The following FMN1 variants were observed in gnomAD, a reference collection of about 807,000 sequenced individuals.
The protein encoded by FMN1 is formin-1.
A neutral mutation model predicts 132.4 loss-of-function variants in FMN1; 110 were observed. The ratio of observed to expected loss-of-function variants is 0.83; its 90% CI spans 0.71 to 0.97. FMN1 has a LOEUF of 0.97. Among genes scored for constraint, FMN1 ranks in the 50% least tolerant of loss-of-function variants. The pLI is 0.00. For missense variants in FMN1, 1,792 were observed against 1,705.3 expected (o/e 1.05, Z -0.90); for synonymous variants, 722 against 651.7 (o/e 1.11, Z -1.64).
At chr15:32,973,582 C>T (rs917678062) in intron 7 of FMN1, among the ~76,000 whole-genome samples, 5 of 151,676 alleles carry the variant, frequency 3.3e-5, no homozygotes, top group African/African-American at 9.7e-5. Context: ...CCTCACCCCC[C>T]CCAAAAAAAC....
intron 5 of FMN1, among the ~76,000 whole-genome samples, chr15:33,078,853 G>A (rs535779127): frequency 7.2e-5 from 11 of 152,216 alleles, no homozygotes; most frequent in Admixed American, 2.0e-4. Flanking sequence ...TATAAATGAC[G>A]TACGTAGCAA....
At chr15:32,900,320 C>A in intron 13 of FMN1, 195 bp from the exon 14 acceptor site, 2 of 704,938 alleles carry the variant, frequency 2.8e-6, no homozygotes, top group South Asian at 3.0e-5. Flanking sequence ...CCATTATTTT[C>A]TACCCACTCA....
At chr15:33,143,463 G>A (rs897222724) in intron 4 of FMN1, among the ~76,000 whole-genome samples, 1 of 152,070 alleles carries the variant, frequency 6.6e-6, no homozygotes, top group Admixed American at 6.6e-5. Flanking sequence ...AACTGACCCA[G>A]GTATACAATG....
chr15:32,843,686 G>T (rs922282858), intron 17 of FMN1, among the ~76,000 whole-genome samples: 1 of 152,120 alleles, frequency 6.6e-6, no homozygotes, highest in Non-Finnish European at 1.5e-5. Flanking sequence ...GTGGGCAGAC[G>T]GTTTGGTTAT....
chr15:33,153,059 T>C lies in FMN1; in HGVS notation c.1856A>G (p.Gln619Arg). 1.3e-6 allele frequency: 2 copies of C among 1,522,208 alleles called. No individual in the cohort carries two copies. Among genetic ancestry groups the C allele is most frequent in the Admixed American group, 2.1e-5 (1 of 48,194 alleles). The allele number at this position is 1,522,208 out of a possible 1,614,324, so 94.3% of individuals were successfully genotyped here. A position where few individuals can be genotyped will look rare whatever the true frequency, so the allele number is the denominator to read the frequency against. ...PGKTTAEPQH[Q>R]SPPGISSEGF... The stretch of plus-strand genomic sequence containing the variant: ...AAACAGAGACTAACCTGGAGGTGAC[T>C]GGTGCTGGGGCTCAGCTGTGGTCTT... The change falls in exon 4 of 21, where the codon CAG (glutamine) becomes CGG (arginine). Residue 619 changes from glutamine to arginine, a missense_variant. Transcript: ENST00000616417.
chr15:32,945,229 A>C (rs1160813883), intron 9 of FMN1, among the ~76,000 whole-genome samples: 1 of 152,106 alleles, frequency 6.6e-6, no homozygotes. Flanking sequence ...CAATACATAG[A>C]TATATGTATG....
intron 2 of FMN1, among the ~76,000 whole-genome samples, chr15:33,193,642 C>G (rs1948893951): frequency 1.3e-5 from 2 of 152,174 alleles, no homozygotes; most frequent in Non-Finnish European, 2.9e-5. Flanking sequence ...CAGGTTCAGG[C>G]TCTGCATTCA....
chr15:33,161,590 G>T (rs1338553362), intron 3 of FMN1, among the ~76,000 whole-genome samples: 1 of 152,032 alleles, frequency 6.6e-6, no homozygotes, highest in Non-Finnish European at 1.5e-5. Flanking sequence ...ATCCACCCTG[G>T]GATGGAGTGC....
chr15:33,090,552 T>A (rs146245255), intron 4 of FMN1, among the ~76,000 whole-genome samples: 1 of 151,598 alleles, frequency 6.6e-6, no homozygotes, highest in Non-Finnish European at 1.5e-5. Flanking sequence ...AGTCCAGGGC[T>A]TCCCCAGTCT....
At chr15:32,854,837 C>T (rs1237757724) in intron 17 of FMN1, among the ~76,000 whole-genome samples, 1 of 151,862 alleles carries the variant, frequency 6.6e-6, no homozygotes, top group Non-Finnish European at 1.5e-5. Context: ...TTGCTTGAAC[C>T]CGGGAGGTGG....
chr15:32,932,236 T>C (rs1397566613), intron 9 of FMN1, among the ~76,000 whole-genome samples: 1 of 152,136 alleles, frequency 6.6e-6, no homozygotes, highest in African/African-American at 2.4e-5. Flanking sequence ...CCGTCTCTAC[T>C]AAAAATACAA....
chr15:32,911,564 T>G (rs552697308), intron 10 of FMN1, among the ~76,000 whole-genome samples: 9 of 152,330 alleles, frequency 5.9e-5, no homozygotes, highest in East Asian at 3.9e-4. Flanking sequence ...GTATTTTGCT[T>G]CTTCTGTGGT....
chr15:32,827,723 A>G (rs922818652), intron 17 of FMN1, among the ~76,000 whole-genome samples: 4 of 152,252 alleles, frequency 2.6e-5, no homozygotes, highest in African/African-American at 9.6e-5. Context: ...GGGCACCTGT[A>G]GTCCCAGCTA....
intron 4 of FMN1, among the ~76,000 whole-genome samples, chr15:33,146,627 C>T (rs868651752): frequency 1.3e-5 from 2 of 152,000 alleles, no homozygotes; most frequent in African/African-American, 4.8e-5. Context: ...GCTGAGCTGC[C>T]GGGGCACACA....
intron 3 of FMN1, among the ~76,000 whole-genome samples, chr15:33,172,803 C>T (rs1675741850): frequency 6.6e-6 from 1 of 151,988 alleles, no homozygotes; most frequent in Non-Finnish European, 1.5e-5. Flanking sequence ...TGTCAATATT[C>T]TAGCTTATCA....
intron 11 of FMN1, among the ~76,000 whole-genome samples, chr15:32,908,910 C>T (rs1163612906): frequency 6.6e-6 from 1 of 152,314 alleles, no homozygotes; most frequent in East Asian, 1.9e-4. Flanking sequence ...CCCATCTCTT[C>T]CTCTGTAAGG....
Position 33,088,829 on chromosome 15 carries a change from T to G in FMN1, c.2013A>C (p.Ser671=). Residue 671 remains serine (S), a synonymous_variant, in exon 5 of 21, where the codon TCA becomes TCC. Coordinates refer to ENST00000616417, the MANE Select transcript of FMN1 (RefSeq NM_001277313.2). ...PFLLHEEREK[S]NRSELYLDLH... Reference sequence around the variant, plus strand: ...GATCCAAGTACAATTCGCTCCTGTTTGACTTCTCCCTTTCCTCATGAAGCA... The same window carrying G: ...GATCCAAGTACAATTCGCTCCTGTTGGACTTCTCCCTTTCCTCATGAAGCA... 1 of 1,535,920 alleles carries G rather than the reference T, an allele frequency of 6.5e-7. No individual in the cohort carries two copies. The highest frequency in any genetic ancestry group is 8.7e-7 in the Non-Finnish European group (1 of 1,146,814).
At chr15:32,815,399 T>C (rs1163011411) in intron 17 of FMN1, among the ~76,000 whole-genome samples, 1 of 152,198 alleles carries the variant, frequency 6.6e-6, no homozygotes, top group African/African-American at 2.4e-5. Flanking sequence ...GTTCTCCAAC[T>C]AGCTTCTTTG....
intron 4 of FMN1, among the ~76,000 whole-genome samples, chr15:33,146,683 G>A (rs1311585083): frequency 6.6e-6 from 1 of 152,076 alleles, no homozygotes; most frequent in Non-Finnish European, 1.5e-5. Flanking sequence ...CAGCCCAGGG[G>A]CCACAAAGAT....
Sources: gnomAD v4.1 joint callset for allele counts (sites outside exome capture counted in the v4.1 genomes callset) on GRCh38, gnomAD v4.1.1 for gene constraint, MANE v1.5 for transcripts, NCBI Gene and HGNC (gene_info 2026-07-23, HGNC 2026-07-21) for gene names.